SRBD1: variants seen among roughly 807,000 people sequenced by gnomAD.
SRBD1 encodes the protein S1 RNA binding domain 1.
SRBD1 carries 88 observed loss-of-function variants against 115.3 expected under a neutral mutation model. The ratio of observed to expected loss-of-function variants is 0.76; its 90% CI spans 0.64 to 0.91. The LOEUF is 0.91. SRBD1 is among the 40% of genes least tolerant of loss of function. The pLI is 0.00. For synonymous variants in SRBD1, 509 were observed against 407.7 expected (o/e 1.25, Z -2.99); for missense variants, 1,385 against 1,177.4 (o/e 1.18, Z -2.58).
intron 14 of SRBD1, among the ~76,000 whole-genome samples, chr2:45,490,307 A>AAATGTTT (rs1670254263): frequency 2.6e-5 from 4 of 152,122 alleles, no homozygotes; most frequent in African/African-American, 7.2e-5. Flanking sequence ...ATTAATCAGA[A>AAATGTTT]CTGCATGTAA....
intron 16 of SRBD1, among the ~76,000 whole-genome samples, chr2:45,432,378 C>T (rs530750824): frequency 2.6e-5 from 4 of 152,138 alleles, no homozygotes; most frequent in Non-Finnish European, 2.9e-5. Flanking sequence ...GGAAGGAATA[C>T]TGAACAAAAT....
intron 4 of SRBD1, among the ~76,000 whole-genome samples, chr2:45,596,268 T>C (rs1358625004): frequency 6.6e-6 from 1 of 152,216 alleles, no homozygotes; most frequent in East Asian, 1.9e-4. Context: ...CCCTCCTCAT[T>C]CTATTCAGCA....
intron 11 of SRBD1, among the ~76,000 whole-genome samples, chr2:45,552,252 C>A (rs556413965): frequency 6.6e-6 from 1 of 152,310 alleles, no homozygotes; most frequent in East Asian, 1.9e-4. Context: ...TCTTTAACTG[C>A]TATTCAGGTT....
intron 19 of SRBD1, among the ~76,000 whole-genome samples, chr2:45,410,398 A>C (rs1040258887): frequency 3.9e-5 from 6 of 152,198 alleles, no homozygotes; most frequent in Non-Finnish European, 8.8e-5. Flanking sequence ...ATAAATGAAA[A>C]CAAAGGTCAA....
chr2:45,495,498 C>G (rs186764757), intron 14 of SRBD1, among the ~76,000 whole-genome samples: 1 of 152,290 alleles, frequency 6.6e-6, no homozygotes, highest in African/African-American at 2.4e-5. Context: ...TCCCTCTCTC[C>G]CCGCATTCTG....
At chr2:45,515,586 C>G (rs984113093) in intron 14 of SRBD1, among the ~76,000 whole-genome samples, 1 of 152,122 alleles carries the variant, frequency 6.6e-6, no homozygotes, top group Non-Finnish European at 1.5e-5. Flanking sequence ...CTGTATAACT[C>G]TGGAGTCTAC....
intron 9 of SRBD1, among the ~76,000 whole-genome samples, chr2:45,569,943 A>G (rs564422770): frequency 3.5e-4 from 53 of 152,362 alleles, no homozygotes; most frequent in African/African-American, 1.2e-3. Context: ...CTCAGAGAAT[A>G]TTGTACACAT....
chr2:45,465,035 A>G (rs1211197554), intron 16 of SRBD1, among the ~76,000 whole-genome samples: 1 of 146,804 alleles, frequency 6.8e-6, no homozygotes, highest in Non-Finnish European at 1.5e-5. Context: ...ACACACACAC[A>G]CACACACACA....
chr2:45,538,493 G>C (rs935933536), intron 14 of SRBD1, among the ~76,000 whole-genome samples: 9 of 152,218 alleles, frequency 5.9e-5, no homozygotes, highest in Non-Finnish European at 1.3e-4. Context: ...AGTGAAAGAG[G>C]CCTGACATTT....
chr2:45,546,892 C>T, intron 13 of SRBD1, 53 bp from the exon 14 acceptor site: 1 of 1,531,168 alleles, frequency 6.5e-7, no homozygotes. Context: ...GCTTTGAAAT[C>T]AGCTGGAGAA....
At chr2:45,438,348 C>T (rs867931044) in intron 16 of SRBD1, among the ~76,000 whole-genome samples, 1 of 152,106 alleles carries the variant, frequency 6.6e-6, no homozygotes, top group Non-Finnish European at 1.5e-5. Flanking sequence ...ATAAAACTAG[C>T]TAGACATACA....
chr2:45,416,684 A>G (rs1667842046), intron 18 of SRBD1, among the ~76,000 whole-genome samples: 1 of 152,214 alleles, frequency 6.6e-6, no homozygotes, highest in Admixed American at 6.5e-5. Context: ...TACTTTCTGG[A>G]AGCAACATAT....
chr2:45,567,540 C>T (rs1413064016), intron 9 of SRBD1, among the ~76,000 whole-genome samples: 2 of 151,048 alleles, frequency 1.3e-5, no homozygotes, highest in African/African-American at 2.4e-5. Context: ...GCCCGCAAGG[C>T]GAAACTTGCA....
At position 45,596,073 on chromosome 2, in the gene SRBD1, G is replaced by T. The variant is rs932974377; in HGVS notation, c.648+3376C>A. On this transcript the variant is annotated intron_variant, in intron 4 of 20. Transcript: ENST00000263736. Reference sequence around the variant, plus strand: ...ATAATTTTCAAAATATTTTCTAAGAGGGCAAAAGGCCATAAAATAGTTCTT... The same window carrying T: ...ATAATTTTCAAAATATTTTCTAAGATGGCAAAAGGCCATAAAATAGTTCTT... Among the ~76,000 whole-genome samples, 9 of 152,252 alleles carry T rather than the reference G, an allele frequency of 5.9e-5. No individual in the cohort carries two copies. The East Asian group carries it at 1.7e-3, about 29-fold the overall frequency.
At chr2:45,474,851 T>C (rs1669759282) in intron 16 of SRBD1, among the ~76,000 whole-genome samples, 1 of 152,198 alleles carries the variant, frequency 6.6e-6, no homozygotes. Flanking sequence ...TTCAAATAAA[T>C]ATGTATTTAT....
chr2:45,485,940 A>G (rs1277034321), intron 15 of SRBD1, among the ~76,000 whole-genome samples: 1 of 152,326 alleles, frequency 6.6e-6, no homozygotes, highest in East Asian at 1.9e-4. Context: ...TAAAGACTCA[A>G]AGTTTCTAGG....
At chr2:45,435,135 G>A (rs918367264) in intron 16 of SRBD1, among the ~76,000 whole-genome samples, 7 of 152,062 alleles carry the variant, frequency 4.6e-5, no homozygotes, top group Non-Finnish European at 7.3e-5. Flanking sequence ...AGTATTCCAT[G>A]GCGTATATGT....
At chr2:45,582,078 G>T (rs1673384055) in intron 5 of SRBD1, among the ~76,000 whole-genome samples, 1 of 152,066 alleles carries the variant, frequency 6.6e-6, no homozygotes, top group South Asian at 2.1e-4. Context: ...GCTCATTCAG[G>T]TTTTACCAAC....
At chr2:45,416,150 A>G (rs1215281624) in intron 18 of SRBD1, among the ~76,000 whole-genome samples, 1 of 152,214 alleles carries the variant, frequency 6.6e-6, no homozygotes, top group Non-Finnish European at 1.5e-5. Flanking sequence ...AAGCCCAAAC[A>G]TATAAATAAA....
Sources: allele counts gnomAD v4.1 joint callset (sites outside exome capture counted in the v4.1 genomes callset), GRCh38; gene constraint gnomAD v4.1.1; transcripts MANE v1.5; gene names NCBI Gene and HGNC (gene_info 2026-07-23, HGNC 2026-07-21).